RAD51B: variants seen among roughly 807,000 people sequenced by gnomAD.
The protein encoded by RAD51B is RAD51 paralog B.
Under a neutral mutation model 42.2 loss-of-function variants are expected in RAD51B, and 38 were observed. That is an observed-to-expected ratio of 0.90 (90% confidence interval 0.70 to 1.18). The LOEUF is 1.18. Among genes scored for constraint, RAD51B ranks in the 50% most tolerant of loss-of-function variants. RAD51B has a pLI of 0.00. For synonymous variants in RAD51B, 154 were observed against 145.2 expected (o/e 1.06, Z -0.43); for missense variants, 373 against 400.7 (o/e 0.93, Z 0.59).
At chr14:67,915,496 T>C (rs989164979) in intron 7 of RAD51B, among the ~76,000 whole-genome samples, 7 of 152,188 alleles carry the variant, frequency 4.6e-5, no homozygotes, top group Non-Finnish European at 1.0e-4. Flanking sequence ...TTTATTGGCT[T>C]TTATCATCTT....
intron 8 of RAD51B, among the ~76,000 whole-genome samples, chr14:68,326,038 C>CTTTTTTTTTT (rs763428544): frequency 4.8e-4 from 39 of 80,454 alleles, no homozygotes; most frequent in East Asian, 1.2e-3. Flanking sequence ...TTTTTCTTTT[C>CTTTTTTTTTT]TTTTTTTTTT....
At chr14:67,852,312 G>GA (rs1336164431) in intron 4 of RAD51B, among the ~76,000 whole-genome samples, 2 of 152,212 alleles carry the variant, frequency 1.3e-5, no homozygotes, top group African/African-American at 4.8e-5. Flanking sequence ...AGAGCTACGC[G>GA]AAAAAACCTG....
At chr14:68,596,195 C>A (rs1890992030), downstream of RAD51B, among the ~76,000 whole-genome samples, 2 of 152,166 alleles carry the variant, frequency 1.3e-5, no homozygotes, top group Admixed American at 1.3e-4. Flanking sequence ...GGGTGAATTT[C>A]TCACTGACAG....
chr14:68,412,013 T>C (rs1295597391), intron 9 of RAD51B, among the ~76,000 whole-genome samples: 1 of 152,240 alleles, frequency 6.6e-6, no homozygotes, highest in African/African-American at 2.4e-5. Flanking sequence ...AAGTACTGAA[T>C]GATGCTAGAA....
intron 10 of RAD51B, among the ~76,000 whole-genome samples, chr14:68,549,256 G>A (rs536399283): frequency 2.1e-3 from 324 of 152,086 alleles, no homozygotes; most frequent in African/African-American, 7.5e-3. Flanking sequence ...GTTCCAGGGG[G>A]AGGGATGGGG....
intron 9 of RAD51B, among the ~76,000 whole-genome samples, chr14:68,463,040 A>G (rs1352487478): frequency 1.3e-5 from 2 of 152,298 alleles, no homozygotes; most frequent in East Asian, 3.9e-4. Flanking sequence ...GCCTCCCTGC[A>G]GGGCACCATG....
chr14:67,893,507 CACAAAAAA>C lies in RAD51B; in HGVS notation c.756+6305_756+6312del, dbSNP rs1446543463. 2.9e-4 allele frequency among the ~76,000 whole-genome samples: 22 copies of C among 75,358 alleles called. No individual in the cohort carries two copies. In the Admixed American group the frequency reaches 3.2e-3, roughly 11 times the overall value. The allele number at this position is 75,358 out of a possible 152,430, so 49.4% of individuals were successfully genotyped here. A position where few individuals can be genotyped will look rare whatever the true frequency, so the allele number is the denominator to read the frequency against. Reference sequence around the variant, plus strand: ...ACACACACACACACACACACACACACACAAAAAAAAACAATTAGCTGGGTGTGGTGCTA... The same window carrying C: ...ACACACACACACACACACACACACACAAACAATTAGCTGGGTGTGGTGCTA... On this transcript the variant is annotated intron_variant, in intron 7 of 10. Transcript: ENST00000471583.
intron 9 of RAD51B, among the ~76,000 whole-genome samples, chr14:68,446,082 G>A (rs761578640): frequency 1.4e-4 from 21 of 152,148 alleles, no homozygotes; most frequent in Non-Finnish European, 2.5e-4. Context: ...CCGCTCCAGG[G>A]AATGCTGATA....
intron 11 of RAD51B, among the ~76,000 whole-genome samples, chr14:68,668,936 G>T (rs563419555): frequency 6.6e-6 from 1 of 152,340 alleles, no homozygotes; most frequent in Admixed American, 6.5e-5. Context: ...ACCTTTTACA[G>T]CTTTGAGCTC....
chr14:68,384,510 TCC>T (rs570917756), intron 8 of RAD51B, among the ~76,000 whole-genome samples: 40 of 152,304 alleles, frequency 2.6e-4, no homozygotes, highest in African/African-American at 9.1e-4. Flanking sequence ...GTCGTTTGCC[TCC>T]CAGAGTGGCA....
At chr14:67,964,625 T>C (rs546512224) in intron 7 of RAD51B, among the ~76,000 whole-genome samples, 1 of 152,220 alleles carries the variant, frequency 6.6e-6, no homozygotes, top group Non-Finnish European at 1.5e-5. Context: ...TCTTTTTCTT[T>C]TTTTTTCCCC....
intron 7 of RAD51B, among the ~76,000 whole-genome samples, chr14:68,146,220 T>C (rs2078245559): frequency 6.6e-6 from 1 of 152,080 alleles, no homozygotes; most frequent in Non-Finnish European, 1.5e-5. Flanking sequence ...GAGGCCTTGG[T>C]GGGCGGAATG....
intron 10 of RAD51B, among the ~76,000 whole-genome samples, chr14:68,542,484 C>T (rs1594957709): frequency 6.6e-6 from 1 of 152,186 alleles, no homozygotes; most frequent in Middle Eastern, 3.4e-3. Flanking sequence ...TCCAATGAGT[C>T]AGGAATGTGC....
At chr14:68,384,322 T>C (rs2083543979) in intron 8 of RAD51B, among the ~76,000 whole-genome samples, 1 of 152,192 alleles carries the variant, frequency 6.6e-6, no homozygotes, top group Admixed American at 6.5e-5. Context: ...ACACAGATTA[T>C]TATAAAAATG....
At chr14:68,303,985 C>T (rs909107331) in intron 8 of RAD51B, among the ~76,000 whole-genome samples, 2 of 152,130 alleles carry the variant, frequency 1.3e-5, no homozygotes, top group Non-Finnish European at 2.9e-5. Context: ...GCCTGGACAA[C>T]ATGGCGAAAC....
Position 68,195,232 on chromosome 14 carries a change from G to A in RAD51B, c.757-96652G>A, listed in dbSNP as rs147102670. Among the ~76,000 whole-genome samples, 1,047 of 152,136 alleles carry A rather than the reference G, an allele frequency of 6.9e-3. 3 individuals carry two copies. Among genetic ancestry groups the A allele is most frequent in the Non-Finnish European group, 0.011 (718 of 67,986 alleles). On this transcript the variant is annotated intron_variant, in intron 7 of 10. Coordinates refer to ENST00000471583, the MANE Select transcript of RAD51B (RefSeq NM_133510.4). Reference sequence around the variant, plus strand: ...TTTACTCATTTGTTCACTCCCATTCGTTCATTTTTCAAGTTAATGGGTGCT... The same window carrying A: ...TTTACTCATTTGTTCACTCCCATTCATTCATTTTTCAAGTTAATGGGTGCT...
At chr14:68,465,945 AAAAAAAAAAT>A (rs1234167052) in intron 9 of RAD51B, among the ~76,000 whole-genome samples, 7 of 53,244 alleles carry the variant, frequency 1.3e-4, no homozygotes, top group Non-Finnish European at 2.5e-4. Context: ...TGTCTCAAAA[AAAAAAAAAAT>A]AAATAAATAA....
At chr14:68,389,008 A>T (rs1193693370) in intron 8 of RAD51B, among the ~76,000 whole-genome samples, 1 of 152,174 alleles carries the variant, frequency 6.6e-6, no homozygotes, top group Non-Finnish European at 1.5e-5. Context: ...TCAGAAATGG[A>T]ACTATGGAAA....
At chr14:68,483,949 A>G (rs563873655) in intron 10 of RAD51B, among the ~76,000 whole-genome samples, 1 of 152,226 alleles carries the variant, frequency 6.6e-6, no homozygotes, top group Non-Finnish European at 1.5e-5. Context: ...CATGACCACC[A>G]CACCTCTTTG....
Sources: gnomAD v4.1 joint callset for allele counts (sites outside exome capture counted in the v4.1 genomes callset) on GRCh38, gnomAD v4.1.1 for gene constraint, MANE v1.5 for transcripts, NCBI Gene and HGNC (gene_info 2026-07-23, HGNC 2026-07-21) for gene names.